The following USP18 variants were observed in gnomAD, a reference collection of about 807,000 sequenced individuals.
USP18 encodes ubl carboxyl-terminal hydrolase 18.
In USP18, 11 loss-of-function variants were observed where a neutral mutation model predicts 48.7. The ratio of observed to expected loss-of-function variants is 0.23; its 90% CI spans 0.14 to 0.37. The LOEUF is 0.37. Ranked by LOEUF, USP18 falls within the 10% of genes least tolerant of loss-of-function variation. The pLI, the probability that USP18 is intolerant of heterozygous loss-of-function variation, is 1.00. For missense variants in USP18, 285 were observed against 436.4 expected (o/e 0.65, Z 3.09); for synonymous variants, 114 against 163.2 (o/e 0.70, Z 2.30).
Position 18,157,668 on chromosome 22 carries a change from G to A in USP18, c.5G>A (p.Ser2Asn), listed in dbSNP as rs138630486. 64 of 1,613,988 alleles carry A rather than the reference G, an allele frequency of 4.0e-5. 1 individual carries two copies. The Middle Eastern group carries it at 6.6e-4, about 17-fold the overall frequency. Residue 2 changes from serine (S) to asparagine (N), a missense_variant, in exon 2 of 11, where the codon AGC becomes AAC. By Grantham distance (46) the Ser-to-Asn change is conservative. Coordinates refer to ENST00000215794, the MANE Select transcript of USP18 (RefSeq NM_017414.4). Reference protein sequence around the residue: MSKAFGLLRQIC... With the variant: MNKAFGLLRQIC... ...GGGGTTTTGGAGTGATCACGAATGA[G>A]CAAGGCGTTTGGGCTCCTGAGGCAA...
chr22:18,156,970 GGTACCCCT>G (rs1569208782), intron 1 of USP18, among the ~76,000 whole-genome samples: 1 of 152,102 alleles, frequency 6.6e-6, no homozygotes. Flanking sequence ...AGGGTACACG[GGTACCCCT>G]ATGGCCACTG....
At chr22:18,154,139 A>G (rs1002660612) in intron 1 of USP18, among the ~76,000 whole-genome samples, 1 of 150,710 alleles carries the variant, frequency 6.6e-6, no homozygotes, top group Non-Finnish European at 1.5e-5. Context: ...AGGAATCTCC[A>G]TACTGTTTTC....
At chr22:18,160,586 G>A (rs1929303541) in intron 3 of USP18, among the ~76,000 whole-genome samples, 1 of 152,162 alleles carries the variant, frequency 6.6e-6, no homozygotes, top group Admixed American at 6.5e-5. Flanking sequence ...ATAGGCGTAA[G>A]CCACTGCACC....
chr22:18,165,830 G>T (rs561287098), intron 4 of USP18, among the ~76,000 whole-genome samples: 1 of 149,764 alleles, frequency 6.7e-6, no homozygotes. Flanking sequence ...TTTTCTGCCC[G>T]GAAAGGCGCC....
At chr22:18,160,030 T>G (rs1929284598) in intron 2 of USP18, 142 bp from the exon 3 acceptor site, 1 of 779,586 alleles carries the variant, frequency 1.3e-6, no homozygotes, top group Non-Finnish European at 2.3e-6. Context: ...GCCAGGCTGG[T>G]CTCGAACTCC....
chr22:18,156,433 T>G (rs182608920), intron 1 of USP18, among the ~76,000 whole-genome samples: 259 of 152,306 alleles, frequency 1.7e-3, no homozygotes, highest in African/African-American at 6.0e-3. Context: ...TACTGCTCAC[T>G]CTTTGGGTCC....
At chr22:18,174,725 A>G (rs1029859999) in intron 10 of USP18, among the ~76,000 whole-genome samples, 10 of 152,014 alleles carry the variant, frequency 6.6e-5, no homozygotes, top group African/African-American at 2.4e-4. Flanking sequence ...AATAGCTGGG[A>G]CTACAGGCAT....
chr22:18,153,855 C>G (rs1765597646), intron 1 of USP18, among the ~76,000 whole-genome samples: 1 of 152,032 alleles, frequency 6.6e-6, no homozygotes, highest in Non-Finnish European at 1.5e-5. Flanking sequence ...ACGTAATGTA[C>G]TCCAGGCTCA....
chr22:18,168,648 C>A (rs1299119885), intron 6 of USP18, among the ~76,000 whole-genome samples: 1 of 152,206 alleles, frequency 6.6e-6, no homozygotes, highest in Admixed American at 6.5e-5. Context: ...CCTGCCTCAG[C>A]CTCCCTGGGA....
intron 2 of USP18, among the ~76,000 whole-genome samples, chr22:18,159,176 C>T (rs1929250218): frequency 6.6e-6 from 1 of 152,080 alleles, no homozygotes; most frequent in Admixed American, 6.5e-5. Context: ...CTTCCTCAGC[C>T]TCCCGAGTAG....
intron 9 of USP18, among the ~76,000 whole-genome samples, 188 bp downstream of exon 9, chr22:18,173,469 G>C (rs956685054): frequency 3.3e-5 from 5 of 152,060 alleles, no homozygotes; most frequent in African/African-American, 9.7e-5. Flanking sequence ...CCTCTGTAAG[G>C]GTTCAATTCA....
chr22:18,157,698 G>T lies in USP18; in HGVS notation c.35G>T (p.Cys12Phe). The change falls in exon 2 of 11, where the codon TGT (cysteine) becomes TTT (phenylalanine). Residue 12 changes from cysteine (C) to phenylalanine (F), a missense_variant. Physicochemically the swap from Cys to Phe is radical, Grantham distance 205. Coordinates refer to ENST00000215794, the MANE Select transcript of USP18 (RefSeq NM_017414.4). ...GCGTTTGGGCTCCTGAGGCAAATCT[G>T]TCAGTCCATCCTGGCTGAGTCCTCG... is the stretch of plus-strand genomic sequence containing the variant. ...SKAFGLLRQI[C>F]QSILAESSQS... The T allele has an allele frequency of 6.2e-7, 1 of 1,614,084 alleles. No individual in the cohort carries two copies. Among genetic ancestry groups the T allele is most frequent in the Non-Finnish European group, 8.5e-7 (1 of 1,180,010 alleles).
chr22:18,160,343 T>C (rs1425623462), intron 3 of USP18, 75 bp downstream of exon 3: 1 of 1,566,910 alleles, frequency 6.4e-7, no homozygotes, highest in East Asian at 2.3e-5. Context: ...TCTTGCTCTG[T>C]TGCCCAGGCT....
intron 1 of USP18, among the ~76,000 whole-genome samples, chr22:18,155,845 C>T (rs361553): frequency 0.25 from 38,504 of 152,214 alleles, 6,110 homozygotes; most frequent in East Asian, 0.67. Context: ...CCGAGTCCCA[C>T]CGACCACCCA....
At chr22:18,152,535 T>G (rs1407274841) in intron 1 of USP18, among the ~76,000 whole-genome samples, 1 of 152,000 alleles carries the variant, frequency 6.6e-6, no homozygotes, top group Admixed American at 6.5e-5. Context: ...TTGTTTTGTT[T>G]GAGACAGAGT....
At chr22:18,156,185 G>C (rs777240717) in intron 1 of USP18, among the ~76,000 whole-genome samples, 1 of 152,104 alleles carries the variant, frequency 6.6e-6, no homozygotes, top group African/African-American at 2.4e-5. Flanking sequence ...ACGTGGAGAC[G>C]TTTTGTGTCT....
At chr22:18,156,670 C>T (rs1340544370) in intron 1 of USP18, among the ~76,000 whole-genome samples, 2 of 152,212 alleles carry the variant, frequency 1.3e-5, no homozygotes, top group African/African-American at 4.8e-5. Context: ...GGAGCTGTAA[C>T]ACTCACCGCG....
intron 1 of USP18, among the ~76,000 whole-genome samples, chr22:18,151,524 A>G (rs908312218): frequency 5.3e-5 from 8 of 152,194 alleles, no homozygotes; most frequent in African/African-American, 1.9e-4. Context: ...TTATCAAAGA[A>G]CTTGCTTTTG....
Position 18,157,794 on chromosome 22 carries a change from G to T in USP18, c.131G>T (p.Arg44Leu), listed in dbSNP as rs183295387. Residue 44 changes from arginine to leucine, a missense_variant, in exon 2 of 11, where the codon CGT (arginine) becomes CTT (leucine). Transcript: ENST00000215794. ...ATGAAGAGAGAGCAGCCCAGAGAGC[G>T]TCCCAGGGCCTGGGACTACCCTCAT... ...SNMKREQPRERPRAWDYPHGL... is the reference protein window; with the variant it reads ...SNMKREQPRELPRAWDYPHGL... 1.2e-6 allele frequency: 2 copies of T among 1,614,070 alleles called. No homozygotes were observed. The highest frequency in any genetic ancestry group is 1.7e-6 in the Non-Finnish European group (2 of 1,180,006).
Sources: gnomAD v4.1 joint callset for allele counts (sites outside exome capture counted in the v4.1 genomes callset) on GRCh38, gnomAD v4.1.1 for gene constraint, MANE v1.5 for transcripts, NCBI Gene and HGNC (gene_info 2026-07-23, HGNC 2026-07-21) for gene names.